Variants in MMP26 observed in about 807,000 individuals in gnomAD.
MMP26 encodes the protein matrix metalloproteinase-26.
Under a neutral mutation model 31.0 loss-of-function variants are expected in MMP26, and 33 were observed. The ratio of observed to expected loss-of-function variants is 1.06; its 90% CI spans 0.81 to 1.42. The LOEUF (loss-of-function observed/expected upper bound fraction) is 1.42, where lower values mean the gene tolerates loss of function less well. MMP26 is among the 40% of genes most tolerant of loss of function. MMP26 has a pLI of 0.00. For synonymous variants in MMP26, 122 were observed against 114.9 expected (o/e 1.06, Z -0.40); for missense variants, 347 against 316.1 (o/e 1.10, Z -0.74).
At chr11:4,816,629 T>C (rs71480725) in intron 2 of MMP26, among the ~76,000 whole-genome samples, 14,836 of 151,048 alleles carry the variant, frequency 0.098, 892 homozygotes, top group Middle Eastern at 0.17. Context: ...AAAAAATTGA[T>C]ATGATTATGG....
In MMP26 at chr11:4,714,637, G is replaced by A. The variant is rs112503305; in HGVS notation, c.-217+9592G>A. Among the ~76,000 whole-genome samples, 28 of 152,218 alleles carry A rather than the reference G, an allele frequency of 1.8e-4. 3 individuals are homozygous for A. The highest frequency in any genetic ancestry group is 6.7e-4 in the African/African-American group (28 of 41,532). On this transcript the variant is annotated intron_variant, in intron 1 of 7. Transcript: ENST00000380390. ...GGAATCTGATGTAAAGTGCTTATTT[G>A]GAGAACTCCGGCTAGCTCTAGGTGG...
chr11:4,748,150 C>T (rs1331816983), intron 1 of MMP26, among the ~76,000 whole-genome samples: 2 of 151,968 alleles, frequency 1.3e-5, no homozygotes, highest in African/African-American at 4.8e-5. Context: ...AAAAGATCAT[C>T]ACAAACTACT....
intron 1 of MMP26, among the ~76,000 whole-genome samples, chr11:4,728,268 A>T (rs1848129594): frequency 6.6e-6 from 1 of 152,244 alleles, no homozygotes; most frequent in Admixed American, 6.5e-5. Flanking sequence ...TAAAACTTAC[A>T]CATATTAATC....
rs115806910 is a variant in MMP26 at position 4,731,313 on chromosome 11, A to G, written c.-217+26268A>G. Among the ~76,000 whole-genome samples, 254 of 152,204 alleles carry G rather than the reference A, an allele frequency of 1.7e-3. 1 individual carries two copies. The highest frequency in any genetic ancestry group is 5.5e-3 in the African/African-American group (229 of 41,538). On this transcript the variant is annotated intron_variant, in intron 1 of 7. Coordinates refer to ENST00000380390, the MANE Select transcript of MMP26 (RefSeq NM_021801.5). ...TGAATCAGCTTCCCCACCACTCCCAACACACACACAATTTGGTGTGGCCTC... is the reference window on the plus strand; with the variant it reads ...TGAATCAGCTTCCCCACCACTCCCAGCACACACACAATTTGGTGTGGCCTC...
intron 2 of MMP26, among the ~76,000 whole-genome samples, chr11:4,975,570 G>A (rs1341553707): frequency 6.6e-6 from 1 of 152,062 alleles, no homozygotes; most frequent in Admixed American, 6.6e-5. Flanking sequence ...GAGGTTCAAA[G>A]TGTATTTAAT....
chr11:4,731,557 A>G (rs574383004), intron 1 of MMP26, among the ~76,000 whole-genome samples: 3 of 152,196 alleles, frequency 2.0e-5, no homozygotes, highest in South Asian at 4.2e-4. Context: ...GCTGTCCCTT[A>G]CCCTCTCCTT....
chr11:4,976,578 C>G (rs1457150647), intron 2 of MMP26, among the ~76,000 whole-genome samples: 1 of 152,050 alleles, frequency 6.6e-6, no homozygotes, highest in African/African-American at 2.4e-5. Flanking sequence ...CTATTAGGCC[C>G]ATGTATTGAT....
At chr11:4,773,947 T>G (rs780857962) in intron 2 of MMP26, among the ~76,000 whole-genome samples, 19 of 152,276 alleles carry the variant, frequency 1.2e-4, no homozygotes, top group Middle Eastern at 3.4e-3. Flanking sequence ...GCCTCATCCA[T>G]GTCCCTGAAA....
intron 1 of MMP26, among the ~76,000 whole-genome samples, chr11:4,734,001 A>G (rs888288982): frequency 2.6e-5 from 4 of 152,134 alleles, no homozygotes; most frequent in Non-Finnish European, 5.9e-5. Flanking sequence ...TCAACTTTGC[A>G]TTCTTGGAAT....
intron 2 of MMP26, among the ~76,000 whole-genome samples, chr11:4,932,045 T>A (rs2133591500): frequency 6.6e-6 from 1 of 152,194 alleles, no homozygotes; most frequent in African/African-American, 2.4e-5. Context: ...TTAAGTCATA[T>A]TTGATGATCA....
In MMP26 at chr11:4,936,081, G is replaced by C. The variant is rs926745188; in HGVS notation, c.-144-51987G>C. Among the ~76,000 whole-genome samples the C allele has an allele frequency of 1.8e-4, 26 of 147,868 alleles. No homozygotes were observed. In the East Asian group the frequency reaches 2.0e-3, roughly 11 times the overall value. ...TGCCTGGCTTTGGTATCAGAATGATGCTGGCCTCATAAAATGAGTTAGGGA... is the reference window on the plus strand; with the variant it reads ...TGCCTGGCTTTGGTATCAGAATGATCCTGGCCTCATAAAATGAGTTAGGGA... On this transcript the variant is annotated intron_variant, in intron 2 of 7. Transcript: ENST00000380390.
At chr11:4,908,177 C>G (rs1850933451) in intron 2 of MMP26, 8 of 1,614,188 alleles carry the variant, frequency 5.0e-6, no homozygotes, top group Middle Eastern at 1.6e-4. Context: ...CAAAAGCCCT[C>G]TTGTTGTGAT....
At chr11:4,919,574 C>A (rs1851151269) in intron 2 of MMP26, among the ~76,000 whole-genome samples, 1 of 152,120 alleles carries the variant, frequency 6.6e-6, no homozygotes. Context: ...GTACCAGCCA[C>A]TGGTGAAGAA....
chr11:4,741,679 G>GAT (rs1323483007), intron 1 of MMP26, among the ~76,000 whole-genome samples: 1 of 152,008 alleles, frequency 6.6e-6, no homozygotes, highest in East Asian at 1.9e-4. Context: ...GAACTTAGAG[G>GAT]ATAGGTCAAT....
In MMP26 at chr11:4,906,611, ATC is replaced by A. The variant is rs200089435; in HGVS notation, c.-144-81453_-144-81452del. On this transcript the variant is annotated intron_variant, in intron 2 of 7. Coordinates refer to ENST00000380390, the MANE Select transcript of MMP26 (RefSeq NM_021801.5). The stretch of plus-strand genomic sequence containing the variant: ...TAATGTTTTCCAAATATTCGCAGTG[ATC>A]TCTGATTATTTTCTTAGACTATTTC... Among the ~76,000 whole-genome samples the A allele has an allele frequency of 9.9e-5, 15 of 152,284 alleles. No individual in the cohort carries two copies. The East Asian group carries it at 2.3e-3, about 23-fold the overall frequency.
chr11:4,845,944 T>C (rs188621787), intron 2 of MMP26, among the ~76,000 whole-genome samples: 2 of 152,150 alleles, frequency 1.3e-5, no homozygotes, highest in Admixed American at 1.3e-4. Flanking sequence ...CAGACAATGC[T>C]GCCAAGGTGG....
chr11:4,982,345 T>C (rs1422200284), intron 2 of MMP26, among the ~76,000 whole-genome samples: 1 of 152,172 alleles, frequency 6.6e-6, no homozygotes, highest in Non-Finnish European at 1.5e-5. Flanking sequence ...ACAATGTCAC[T>C]ACATGATAGG....
chr11:4,724,084 C>T, intron 1 of MMP26: 1 of 647,274 alleles, frequency 1.5e-6, no homozygotes, highest in Non-Finnish European at 2.8e-6. Context: ...ATGCAGGCAC[C>T]AGGTCCACTC....
intron 2 of MMP26, chr11:4,804,364 C>T: frequency 6.2e-7 from 1 of 1,614,086 alleles, no homozygotes; most frequent in Non-Finnish European, 8.5e-7. Context: ...AGAGCTGTTC[C>T]CTGAAGCCAG....
Sources: allele counts gnomAD v4.1 joint callset (sites outside exome capture counted in the v4.1 genomes callset), GRCh38; gene constraint gnomAD v4.1.1; transcripts MANE v1.5; gene names NCBI Gene and HGNC (gene_info 2026-07-23, HGNC 2026-07-21).